Variants in HDAC11 observed in about 807,000 individuals in gnomAD.
HDAC11 encodes the protein histone deacetylase 11.
In HDAC11, 23 loss-of-function variants were observed where a neutral mutation model predicts 41.1. The observed-to-expected ratio is 0.56, with a 90% CI of 0.40 to 0.79. The LOEUF (loss-of-function observed/expected upper bound fraction) is 0.79, where lower values mean the gene tolerates loss of function less well. Among genes scored for constraint, HDAC11 ranks in the 30% least tolerant of loss-of-function variants. The probability of loss-of-function intolerance (pLI) is 0.00; values close to 1 mark genes in which losing one functional copy is unlikely to be tolerated. For missense variants in HDAC11, 402 were observed against 477.3 expected (o/e 0.84, Z 1.47); for synonymous variants, 187 against 186.6 (o/e 1.00, Z -0.02).
chr3:13,492,202 A>G (rs1701896170), intron 3 of HDAC11, among the ~76,000 whole-genome samples: 1 of 152,214 alleles, frequency 6.6e-6, no homozygotes, highest in African/African-American at 2.4e-5. Flanking sequence ...ATGTCACCAC[A>G]GGGTTGCCCT....
chr3:13,496,667 G>A (rs1304829985), intron 3 of HDAC11, 69 bp from the exon 4 acceptor site: 1 of 996,094 alleles, frequency 1.0e-6, no homozygotes, highest in Non-Finnish European at 1.5e-6. Context: ...ATTTCCCGGG[G>A]AACCAATTTC....
chr3:13,501,963 G>A (rs764586314), intron 7 of HDAC11, 30 bp downstream of exon 7: 1 of 1,591,754 alleles, frequency 6.3e-7, no homozygotes, highest in East Asian at 2.2e-5. Flanking sequence ...TGGACTCTTA[G>A]GGGACCTGCC....
At position 13,481,149 on chromosome 3, in the gene HDAC11, G is replaced by A. The variant is rs891558352; in HGVS notation, c.3-97G>A. The A allele has an allele frequency of 8.4e-6, 11 of 1,316,566 alleles. 1 individual carries two copies. In the South Asian group the frequency reaches 1.6e-4, roughly 19 times the overall value. The allele number at this position is 1,316,566 out of a possible 1,614,324, so 81.6% of individuals were successfully genotyped here. On this transcript the variant is annotated intron_variant, in intron 1 of 9. Transcript: ENST00000295757. ...CTGCGGCTGAGGGGCTAGTGGTGCTGGGCAATGGCTGGTGGGTCAGTCCAG... is the reference window on the plus strand; with the variant it reads ...CTGCGGCTGAGGGGCTAGTGGTGCTAGGCAATGGCTGGTGGGTCAGTCCAG...
chr3:13,486,575 T>TTG (rs1701595194), intron 3 of HDAC11, among the ~76,000 whole-genome samples: 5 of 75,660 alleles, frequency 6.6e-5, no homozygotes, highest in Admixed American at 4.0e-4. Flanking sequence ...AGAGGTGTTT[T>TTG]TTTTTTTTTT....
rs1382151648 is a variant in HDAC11 at position 13,504,227 on chromosome 3, C to T, written c.783C>T (p.Asp261=). ...PDVVVYNAGT[D]ILEGDRLGGL... ...TGGTGGTATACAATGCAGGCACCGA[C>T]ATCCTCGAGGGGGACCGCCTTGGGG... is the stretch of plus-strand genomic sequence containing the variant. Residue 261 remains aspartate (D), a synonymous_variant, in exon 9 of 10, where the codon GAC becomes GAT. Coordinates refer to ENST00000295757, the MANE Select transcript of HDAC11 (RefSeq NM_024827.4). The T allele has an allele frequency of 1.2e-6, 2 of 1,613,806 alleles. No homozygotes were observed. Among genetic ancestry groups the T allele is most frequent in the Middle Eastern group, 1.7e-4 (1 of 6,060 alleles).
chr3:13,504,120 G>C lies in HDAC11; in HGVS notation c.676G>C (p.Glu226Gln), dbSNP rs375953574. ...KQAIRRKVEL[E>Q]WGTEDDEYLD... ...GGCCATCAGGCGGAAGGTGGAGCTG[G>C]AGTGGGGCACAGAGGATGATGAGTA... The change falls in exon 9 of 10, where the codon GAG becomes CAG. Residue 226 changes from glutamate to glutamine, a missense_variant. Physicochemically the swap from Glu to Gln is conservative, Grantham distance 29. Transcript: ENST00000295757. 1.2e-6 allele frequency: 2 copies of C among 1,614,066 alleles called. No homozygotes were observed. The highest frequency in any genetic ancestry group is 1.1e-5 in the South Asian group (1 of 91,076).
rs924278420 is a variant in HDAC11 at position 13,494,355 on chromosome 3, G to A, written c.253-2381G>A. Among the ~76,000 whole-genome samples the A allele has an allele frequency of 2.0e-5, 3 of 152,248 alleles. No individual in the cohort carries two copies. The East Asian group carries it at 5.8e-4, about 29-fold the overall frequency. Reference sequence around the variant, plus strand: ...CCACACGCGGGGCCTCTGCCGGGCAGTGGGATGAGTGTGGTGAACAAGAGG... The same window carrying A: ...CCACACGCGGGGCCTCTGCCGGGCAATGGGATGAGTGTGGTGAACAAGAGG... On this transcript the variant is annotated intron_variant, in intron 3 of 9. Coordinates refer to ENST00000295757, the MANE Select transcript of HDAC11 (RefSeq NM_024827.4).
chr3:13,480,874 T>C lies in HDAC11; in HGVS notation c.3-372T>C. 1.0e-5 allele frequency: 4 copies of C among 389,044 alleles called. No homozygotes were observed. Among genetic ancestry groups the C allele is most frequent in the South Asian group, 8.5e-5 (4 of 47,232 alleles). The allele number at this position is 389,044 out of a possible 1,614,324, so 24.1% of individuals were successfully genotyped here. On this transcript the variant is annotated intron_variant, in intron 1 of 9. Transcript: ENST00000295757. The surrounding 1 kb of genome is among the most constrained non-coding windows in gnomAD (Gnocchi z 4.6). ...GCCACACATTTTGCAGCCGAAGCCT[T>C]GTGCCACACAGCTGTGGGGGCATTT...
In HDAC11 at chr3:13,504,149, G is replaced by A; in HGVS notation, c.705G>A (p.Leu235=). The A allele has an allele frequency of 6.2e-7, 1 of 1,614,088 alleles. No individual in the cohort carries two copies. The highest frequency in any genetic ancestry group is 8.5e-7 in the Non-Finnish European group (1 of 1,180,030). ...GGGGCACAGAGGATGATGAGTACCT[G>A]GATAAGGTGGAGAGGAACATCAAGA... ...LEWGTEDDEY[L]DKVERNIKKS... The change falls in exon 9 of 10, where the codon CTG becomes CTA. Residue 235 remains leucine, a synonymous_variant. Transcript: ENST00000295757.
intron 7 of HDAC11, 42 bp downstream of exon 7, chr3:13,501,975 C>T (rs1333578838): frequency 6.5e-7 from 1 of 1,543,584 alleles, no homozygotes; most frequent in Non-Finnish European, 9.0e-7. Context: ...GGACCTGCCA[C>T]CCCCAGTTCC....
At chr3:13,501,215 CAG>C (rs1399244436) in intron 6 of HDAC11, among the ~76,000 whole-genome samples, 1 of 152,220 alleles carries the variant, frequency 6.6e-6, no homozygotes, top group Admixed American at 6.5e-5. Context: ...CGCAGACAGA[CAG>C]GGGCCCACAG....
chr3:13,500,853 C>A, intron 6 of HDAC11, 64 bp downstream of exon 6: 1 of 1,202,394 alleles, frequency 8.3e-7, no homozygotes, highest in South Asian at 1.6e-5. Context: ...CCCATAGCTC[C>A]AAATTAACTG....
chr3:13,488,123 G>C (rs1041630561), intron 3 of HDAC11, among the ~76,000 whole-genome samples: 1 of 151,670 alleles, frequency 6.6e-6, no homozygotes, highest in Non-Finnish European at 1.5e-5. Context: ...TGGAGAGAAG[G>C]AGACACAGAC....
At chr3:13,490,445 T>C (rs1227037169) in intron 3 of HDAC11, among the ~76,000 whole-genome samples, 1 of 152,196 alleles carries the variant, frequency 6.6e-6, no homozygotes, top group East Asian at 1.9e-4. Context: ...TTTGCCATCT[T>C]AACAATATTC....
At chr3:13,497,854 C>G (rs1324282811) in intron 4 of HDAC11, among the ~76,000 whole-genome samples, 1 of 106,080 alleles carries the variant, frequency 9.4e-6, no homozygotes, top group Non-Finnish European at 1.8e-5. Context: ...TCTTTTTTTG[C>G]TTTTTTTTTT....
At chr3:13,485,440 C>G (rs764841110) in intron 3 of HDAC11, among the ~76,000 whole-genome samples, 34 of 152,126 alleles carry the variant, frequency 2.2e-4, no homozygotes, top group Admixed American at 5.2e-4. Context: ...AAGGAAGGGA[C>G]AGGAGGCGCT....
intron 4 of HDAC11, 44 bp from the exon 5 acceptor site, chr3:13,498,469 G>A (rs369555820): frequency 4.3e-6 from 7 of 1,612,566 alleles, no homozygotes; most frequent in Non-Finnish European, 5.9e-6. Flanking sequence ...AATGACTGGT[G>A]GATCGGCTGC....
At chr3:13,486,457 G>A (rs760714736) in intron 3 of HDAC11, among the ~76,000 whole-genome samples, 30 of 151,894 alleles carry the variant, frequency 2.0e-4, no homozygotes, top group Non-Finnish European at 4.3e-4. Flanking sequence ...AGCACCAAGG[G>A]CTATGAAGAA....
chr3:13,481,125 T>A (rs745493034), intron 1 of HDAC11, 121 bp from the exon 2 acceptor site: 15 of 1,071,928 alleles, frequency 1.4e-5, no homozygotes, highest in Non-Finnish European at 1.8e-5. Context: ...GGCCCTTGTC[T>A]GCGGCTGAGG....
Sources: allele counts gnomAD v4.1 joint callset (sites outside exome capture counted in the v4.1 genomes callset), GRCh38; gene constraint gnomAD v4.1.1; non-coding constraint Gnocchi (gnomAD v3.1); transcripts MANE v1.5; gene names NCBI Gene and HGNC (gene_info 2026-07-23, HGNC 2026-07-21).